Variants in TRMT1L observed in about 807,000 individuals in gnomAD.
The protein encoded by TRMT1L is tRNA (guanine(27)-N(2))-dimethyltransferase.
TRMT1L carries 28 observed loss-of-function variants against 81.6 expected under a neutral mutation model. The ratio of observed to expected loss-of-function variants is 0.34; its 90% CI spans 0.25 to 0.47. The LOEUF (loss-of-function observed/expected upper bound fraction) is 0.47, where lower values mean the gene tolerates loss of function less well. Ranked by LOEUF, TRMT1L falls within the 20% of genes least tolerant of loss-of-function variation. The pLI is 1.00. For synonymous variants in TRMT1L, 301 were observed against 303.2 expected, an observed-to-expected ratio of 0.99 and a Z score of 0.07; for missense variants, 739 against 877.1, an observed-to-expected ratio of 0.84 and a Z score of 1.99.
intron 3 of TRMT1L, among the ~76,000 whole-genome samples, chr1:185,148,893 C>G (rs938164696): frequency 1.3e-5 from 2 of 152,272 alleles, no homozygotes; most frequent in African/African-American, 2.4e-5. Context: ...GTTCCGACTT[C>G]TTTTCTGGAT....
In TRMT1L at chr1:185,150,473, T is replaced by G. The variant is rs35672755; in HGVS notation, c.366A>C (p.Pro122=). The part of the protein sequence containing the change: ...NLDAGNRQAC[P]LCPKEKFRAC... ...CTCTGAATTTTTCCTTAGGGCACAATGGACAAGCCTGTCTGTTGCCTTAAA... is the reference window on the plus strand; with the variant it reads ...CTCTGAATTTTTCCTTAGGGCACAAGGGACAAGCCTGTCTGTTGCCTTAAA... Residue 122 remains proline, a synonymous_variant, in exon 3 of 15, where the codon CCA becomes CCC. Transcript: ENST00000367506. 1,297 of 1,610,180 alleles carry G rather than the reference T, an allele frequency of 8.1e-4. 6 individuals are homozygous for G. The African/African-American group carries it at 0.015, about 19-fold the overall frequency.
At chr1:185,151,564 T>C (rs191283041) in intron 2 of TRMT1L, among the ~76,000 whole-genome samples, 1 of 152,308 alleles carries the variant, frequency 6.6e-6, no homozygotes, top group East Asian at 1.9e-4. Flanking sequence ...TGTAGCCAAA[T>C]GCCATTCCTA....
intron 7 of TRMT1L, 43 bp downstream of exon 7, chr1:185,143,314 T>C (rs1195309809): frequency 3.3e-6 from 5 of 1,507,798 alleles, no homozygotes; most frequent in South Asian, 2.4e-5. Flanking sequence ...TACTGTAAAA[T>C]TGAATAAATA....
intron 2 of TRMT1L, 140 bp from the exon 3 acceptor site, chr1:185,150,632 G>C: frequency 6.0e-6 from 4 of 664,686 alleles, no homozygotes; most frequent in Non-Finnish European, 1.1e-5. Context: ...CATTATTCTT[G>C]ACCCAGGAGA....
At chr1:185,145,614 A>G in intron 4 of TRMT1L, 46 bp from the exon 5 acceptor site, 3 of 1,587,686 alleles carry the variant, frequency 1.9e-6, no homozygotes, top group Non-Finnish European at 2.6e-6. Context: ...AAGACAATGA[A>G]ACAGAAGTAT....
At chr1:185,152,878 A>C (rs911185995) in intron 1 of TRMT1L, among the ~76,000 whole-genome samples, 5 of 152,230 alleles carry the variant, frequency 3.3e-5, no homozygotes, top group African/African-American at 1.2e-4. Context: ...ACAGTATTCC[A>C]GCAATAATGT....
Position 185,120,175 on chromosome 1 carries a change from C to A in TRMT1L, c.2046G>T (p.Met682Ile). ...PMGVRTDAPL[M>I]QFKSILLKYS... is the part of the protein sequence containing the mutation. Reference sequence around the variant, plus strand: ...ACTTTAAAAGGATAGATTTAAACTGCATCAGAGGTGCATCTGTGCGTACAC... The same window carrying A: ...ACTTTAAAAGGATAGATTTAAACTGAATCAGAGGTGCATCTGTGCGTACAC... Residue 682 changes from methionine (M) to isoleucine (I), a missense_variant, in exon 15 of 15, where the codon ATG (methionine) becomes ATT (isoleucine). By Grantham distance (10) the Met-to-Ile change is conservative. Coordinates refer to ENST00000367506, the MANE Select transcript of TRMT1L (RefSeq NM_030934.5). 3 of 1,613,866 alleles carry A rather than the reference C, an allele frequency of 1.9e-6. No individual in the cohort carries two copies. Among genetic ancestry groups the A allele is most frequent in the Non-Finnish European group, 2.5e-6 (3 of 1,179,876 alleles).
At chr1:185,145,345 A>G in intron 5 of TRMT1L, 94 bp downstream of exon 5, 2 of 1,360,672 alleles carry the variant, frequency 1.5e-6, no homozygotes, top group Non-Finnish European at 2.0e-6. Context: ...TGGTTAAATC[A>G]GCATTATTTT....
At chr1:185,154,840 A>C (rs1203556497) in intron 1 of TRMT1L, among the ~76,000 whole-genome samples, 3 of 152,224 alleles carry the variant, frequency 2.0e-5, no homozygotes, top group Non-Finnish European at 2.9e-5. Context: ...TGCTTTTTGT[A>C]ACACACTATT....
At chr1:185,139,161 A>T (rs972237979) in intron 9 of TRMT1L, among the ~76,000 whole-genome samples, 6 of 152,234 alleles carry the variant, frequency 3.9e-5, no homozygotes, top group Non-Finnish European at 8.8e-5. Flanking sequence ...TAACATTTTA[A>T]TTGGAGAGTA....
chr1:185,120,249 A>G lies in TRMT1L; in HGVS notation c.1972T>C (p.Leu658=). Reference sequence around the variant, plus strand: ...CTTACTCGAAAGCCTGCTTGAGATAAATAGCACAAAAACTTTTTTAACCTG... The same window carrying G: ...CTTACTCGAAAGCCTGCTTGAGATAGATAGCACAAAAACTTTTTTAACCTG... The part of the protein sequence containing the change: ...MPKLKKFLCY[L]SQAGFRVSRT... Residue 658 remains leucine (L), a synonymous_variant, in exon 15 of 15, where the codon TTA becomes CTA. Transcript: ENST00000367506. The G allele has an allele frequency of 6.4e-7, 1 of 1,573,088 alleles. No homozygotes were observed. The highest frequency in any genetic ancestry group is 8.6e-7 in the Non-Finnish European group (1 of 1,157,948).
At chr1:185,123,365 C>T (rs1273869479) in intron 13 of TRMT1L, among the ~76,000 whole-genome samples, 5 of 152,148 alleles carry the variant, frequency 3.3e-5, no homozygotes, top group Non-Finnish European at 7.4e-5. Context: ...TAAATCTTAA[C>T]ATCCTTTAAT....
At chr1:185,126,741 A>C (rs1271913947) in intron 11 of TRMT1L, among the ~76,000 whole-genome samples, 1 of 152,180 alleles carries the variant, frequency 6.6e-6, no homozygotes, top group African/African-American at 2.4e-5. Flanking sequence ...GGTTTTATTA[A>C]GAATTCATAA....
intron 6 of TRMT1L, among the ~76,000 whole-genome samples, 184 bp from the exon 7 acceptor site, chr1:185,143,620 C>G (rs1240925737): frequency 6.6e-6 from 1 of 152,030 alleles, no homozygotes; most frequent in African/African-American, 2.4e-5. Flanking sequence ...AACTATGAAT[C>G]CAGTTGGGTT....
At chr1:185,147,282 C>T (rs1353797418) in intron 3 of TRMT1L, 36 bp from the exon 4 acceptor site, 1 of 1,477,186 alleles carries the variant, frequency 6.8e-7, no homozygotes, top group South Asian at 1.2e-5. Flanking sequence ...ATACATTGTT[C>T]ATTAAATATT....
rs1571365959 is a variant in TRMT1L, at chr1:185,156,840, G to A, written c.-128C>T. The A allele has an allele frequency of 7.8e-7, 1 of 1,274,842 alleles. No homozygotes were observed. The highest frequency in any genetic ancestry group is 2.7e-5 in the East Asian group (1 of 36,598). 79.0% of individuals were successfully genotyped at this position (1,274,842 alleles called of 1,614,324 possible). On this transcript the variant is annotated 5_prime_UTR_variant, in exon 1 of 15. Coordinates refer to ENST00000367506, the MANE Select transcript of TRMT1L (RefSeq NM_030934.5). ...GGGAAGCAAGTGGGGAGGGCGGGAT[G>A]CGTGCAACAGACAAAAGATGAAGAA... is the stretch of plus-strand genomic sequence containing the variant.
At chr1:185,151,792 T>C in intron 2 of TRMT1L, 33 bp downstream of exon 2, 4 of 1,362,590 alleles carry the variant, frequency 2.9e-6, no homozygotes, top group Non-Finnish European at 4.0e-6. Context: ...TATTAGAAAC[T>C]AAGAAAAAAA....
At chr1:185,137,204 G>A (rs1159113869) in intron 10 of TRMT1L, among the ~76,000 whole-genome samples, 2 of 152,016 alleles carry the variant, frequency 1.3e-5, no homozygotes, top group East Asian at 3.8e-4. Context: ...TATAGTAGAG[G>A]CTCAATAAAT....
Position 185,156,707 on chromosome 1 carries a change from C to T in TRMT1L, c.6G>A (p.Glu2=). Residue 2 remains glutamate (E), a synonymous_variant, in exon 1 of 15, where the codon GAG becomes GAA. Coordinates refer to ENST00000367506, the MANE Select transcript of TRMT1L (RefSeq NM_030934.5). ...GCAGCAGCTCCTCCTCCGCCATATT[C>T]TCCATAGTTACCGCCTCCGTGCCAA... M[E]NMAEEELLPL... The T allele has an allele frequency of 6.2e-7, 1 of 1,612,780 alleles. No homozygotes were observed. Among genetic ancestry groups the T allele is most frequent in the Non-Finnish European group, 8.5e-7 (1 of 1,179,856 alleles).
Sources: gnomAD v4.1 joint callset for allele counts (sites outside exome capture counted in the v4.1 genomes callset) on GRCh38, gnomAD v4.1.1 for gene constraint, MANE v1.5 for transcripts, NCBI Gene and HGNC (gene_info 2026-07-23, HGNC 2026-07-21) for gene names.